The following IRAK1BP1 variants were observed in gnomAD, a reference collection of about 807,000 sequenced individuals.
IRAK1BP1 encodes interleukin 1 receptor associated kinase 1 binding protein 1, also known as interleukin-1 receptor-associated kinase 1-binding protein 1.
In IRAK1BP1, 24 loss-of-function variants were observed where a neutral mutation model predicts 28.0. That is an observed-to-expected ratio of 0.86 (90% CI 0.62 to 1.20). IRAK1BP1 has a LOEUF of 1.20. Among genes scored for constraint, IRAK1BP1 ranks in the 50% most tolerant of loss-of-function variants. IRAK1BP1 has a pLI of 0.00. For synonymous variants in IRAK1BP1, 131 were observed against 116.3 expected, an observed-to-expected ratio of 1.13 and a Z score of -0.81; for missense variants, 336 against 316.7, an observed-to-expected ratio of 1.06 and a Z score of -0.46.
intron 2 of IRAK1BP1, among the ~76,000 whole-genome samples, chr6:78,896,855 G>T (rs549596156): frequency 6.6e-6 from 1 of 151,592 alleles, no homozygotes; most frequent in East Asian, 2.0e-4. Context: ...ATTAAAGACA[G>T]ATGTTCTGCA....
At chr6:78,934,437 CTTT>C (rs1221663547) in intron 4 of IRAK1BP1, among the ~76,000 whole-genome samples, 5 of 152,198 alleles carry the variant, frequency 3.3e-5, no homozygotes, top group Admixed American at 6.5e-5. Context: ...GCCTGTACTT[CTTT>C]TTATTAGTAA....
chr6:78,910,429 C>G (rs1772373806), intron 4 of IRAK1BP1, among the ~76,000 whole-genome samples: 1 of 152,206 alleles, frequency 6.6e-6, no homozygotes, highest in African/African-American at 2.4e-5. Flanking sequence ...AGCATCAGAA[C>G]AGAATCCCCG....
the IRAK1BP1 span, chr6:78,958,401 T>G: frequency 1.0e-6 from 1 of 972,748 alleles, no homozygotes; most frequent in Non-Finnish European, 1.6e-6. Context: ...AACAGTATGT[T>G]TTCTATTTTA....
intron 2 of IRAK1BP1, among the ~76,000 whole-genome samples, chr6:78,893,348 ATC>A (rs1771751719): frequency 7.9e-6 from 1 of 126,042 alleles, no homozygotes; most frequent in Non-Finnish European, 1.7e-5. Flanking sequence ...ATATATATAT[ATC>A]AACGAAGAGT....
At chr6:78,877,248 TGTTA>T (rs1771033827) in intron 1 of IRAK1BP1, among the ~76,000 whole-genome samples, 1 of 152,228 alleles carries the variant, frequency 6.6e-6, no homozygotes, top group African/African-American at 2.4e-5. Context: ...GTTGCAGGTC[TGTTA>T]GTTTCTGTTA....
At chr6:78,941,521 A>G (rs976261860) in intron 4 of IRAK1BP1, among the ~76,000 whole-genome samples, 1 of 147,572 alleles carries the variant, frequency 6.8e-6, no homozygotes, top group Non-Finnish European at 1.5e-5. Context: ...ATTAAAAGAG[A>G]CAGATTCTTA....
At chr6:78,925,475 A>G (rs1489365898) in intron 4 of IRAK1BP1, among the ~76,000 whole-genome samples, 3 of 152,304 alleles carry the variant, frequency 2.0e-5, no homozygotes, top group African/African-American at 7.2e-5. Context: ...GCAAATCAAA[A>G]CCGCAATGAA....
intron 2 of IRAK1BP1, among the ~76,000 whole-genome samples, chr6:78,893,265 A>G (rs1328581058): frequency 2.7e-5 from 4 of 146,834 alleles, no homozygotes; most frequent in Non-Finnish European, 1.5e-5. Context: ...CTTTAAAACT[A>G]AAAGGTGTAT....
At chr6:78,920,460 C>G (rs1049384648) in intron 4 of IRAK1BP1, among the ~76,000 whole-genome samples, 2 of 152,008 alleles carry the variant, frequency 1.3e-5, no homozygotes, top group African/African-American at 4.8e-5. Flanking sequence ...AATAGAGAAC[C>G]CAGAAATAAT....
At chr6:78,960,564 C>T in the IRAK1BP1 span, among the ~76,000 whole-genome samples, 1 of 151,444 alleles carries the variant, frequency 6.6e-6, no homozygotes, top group Non-Finnish European at 1.5e-5. Context: ...TTCTCCTTAT[C>T]TCTACGCTTT....
chr6:78,923,884 C>A (rs1002599475), intron 4 of IRAK1BP1, among the ~76,000 whole-genome samples: 6 of 152,102 alleles, frequency 3.9e-5, no homozygotes, highest in Admixed American at 1.3e-4. Flanking sequence ...AACAAAGAGA[C>A]AACGTACCAG....
At chr6:78,888,389 G>A (rs962895834) in intron 2 of IRAK1BP1, among the ~76,000 whole-genome samples, 13 of 152,152 alleles carry the variant, frequency 8.5e-5, no homozygotes, top group East Asian at 3.8e-4. Flanking sequence ...AATTTTGGAC[G>A]TGATAGATAG....
chr6:78,965,742 T>G, the IRAK1BP1 span: 1 of 1,568,646 alleles, frequency 6.4e-7, no homozygotes, highest in South Asian at 1.1e-5. Flanking sequence ...GGACTCATCT[T>G]TTCTGTATCT....
At chr6:78,928,724 G>T (rs965513081) in intron 4 of IRAK1BP1, among the ~76,000 whole-genome samples, 1 of 152,104 alleles carries the variant, frequency 6.6e-6, no homozygotes, top group Non-Finnish European at 1.5e-5. Flanking sequence ...TTTTTATCAT[G>T]AAGGGATGTT....
downstream of IRAK1BP1, among the ~76,000 whole-genome samples, chr6:78,951,336 A>T (rs189083390): frequency 2.4e-3 from 359 of 152,298 alleles, 3 homozygotes; most frequent in African/African-American, 7.6e-3. Context: ...TGTTGAATAA[A>T]TGAACGTTGT....
At chr6:78,958,571 C>T in the IRAK1BP1 span, 4 of 1,580,672 alleles carry the variant, frequency 2.5e-6, no homozygotes, top group East Asian at 2.2e-5. Flanking sequence ...CTCTATATAT[C>T]GAACTTCCCA....
the IRAK1BP1 span, among the ~76,000 whole-genome samples, chr6:78,973,885 A>C: frequency 5.3e-5 from 8 of 151,752 alleles, no homozygotes; most frequent in African/African-American, 1.7e-4. Context: ...GCAAGTCTTG[A>C]GTGACCTACA....
In IRAK1BP1 at chr6:78,940,841, C is replaced by T. The variant is rs775492637; in HGVS notation, c.*68-4567C>T. ...ATCCTCATTATAGAAAGCTGTCCTT[C>T]GACCTTGATTTCTAGTTCTCATGTG... On this transcript the variant is annotated intron_variant and NMD_transcript_variant, in intron 4 of 4. Transcript: ENST00000606868. The T allele has an allele frequency of 1.9e-5, 30 of 1,613,810 alleles. No individual in the cohort carries two copies. In the Admixed American group the frequency reaches 3.7e-4, roughly 20 times the overall value.
At chr6:78,935,747 A>G (rs1773251727) in intron 4 of IRAK1BP1, 1 of 985,194 alleles carries the variant, frequency 1.0e-6, no homozygotes, top group Non-Finnish European at 1.2e-6. Context: ...CAGCATTTAC[A>G]TAATGGTATC....
Sources: gnomAD v4.1 joint callset for allele counts (sites outside exome capture counted in the v4.1 genomes callset) on GRCh38, gnomAD v4.1.1 for gene constraint, MANE v1.5 for transcripts, NCBI Gene and HGNC (gene_info 2026-07-23, HGNC 2026-07-21) for gene names.